Variants in CNTN4 observed in about 807,000 individuals in gnomAD.
The protein encoded by CNTN4 is contactin-4.
In CNTN4, 77 loss-of-function variants were observed where a neutral mutation model predicts 122.5. That is an observed-to-expected ratio of 0.63 (90% CI 0.52 to 0.76). CNTN4 has a LOEUF of 0.76. Ranked by LOEUF, CNTN4 falls within the 30% of genes least tolerant of loss-of-function variation. The pLI, the probability that CNTN4 is intolerant of heterozygous loss-of-function variation, is 0.00. For synonymous variants in CNTN4, 512 were observed against 447.0 expected, an observed-to-expected ratio of 1.15 and a Z score of -1.83; for missense variants, 1,256 against 1,259.1, an observed-to-expected ratio of 1.00 and a Z score of 0.04.
chr3:2,733,888 T>A (rs1024004557), intron 4 of CNTN4, among the ~76,000 whole-genome samples: 5 of 152,164 alleles, frequency 3.3e-5, no homozygotes, highest in Non-Finnish European at 5.9e-5. Context: ...ATAAATCTTC[T>A]CTTTTTTGGT....
intron 2 of CNTN4, among the ~76,000 whole-genome samples, chr3:2,154,008 G>T (rs55883839): frequency 0.22 from 33,922 of 151,930 alleles, 3,930 homozygotes; most frequent in South Asian, 0.26. Context: ...AAATCATACT[G>T]GTTTGAAGCA....
At chr3:2,868,363 C>T (rs1252405842) in intron 8 of CNTN4, among the ~76,000 whole-genome samples, 2 of 152,164 alleles carry the variant, frequency 1.3e-5, no homozygotes, top group Non-Finnish European at 2.9e-5. Flanking sequence ...ATCTTAAACC[C>T]TCACAGTGCT....
intron 2 of CNTN4, among the ~76,000 whole-genome samples, chr3:2,134,682 A>G (rs1419817830): frequency 1.3e-5 from 2 of 152,130 alleles, no homozygotes; most frequent in African/African-American, 4.8e-5. Context: ...GCTGGCATCT[A>G]GTGATTAGAG....
intron 2 of CNTN4, among the ~76,000 whole-genome samples, chr3:2,121,644 A>G (rs1281750156): frequency 6.6e-6 from 1 of 152,198 alleles, no homozygotes. Flanking sequence ...GTAATTTGTC[A>G]GAGTTTCCAT....
intron 14 of CNTN4, among the ~76,000 whole-genome samples, chr3:3,024,561 G>C (rs1003856944): frequency 6.6e-6 from 1 of 151,734 alleles, no homozygotes; most frequent in African/African-American, 2.4e-5. Context: ...TCATTTCATG[G>C]ACATCACTCA....
At position 2,384,761 on chromosome 3, in the gene CNTN4, CGTGTGTGTGT is replaced by C. The variant is rs67019083; in HGVS notation, c.-89+45547_-89+45556del. Among the ~76,000 whole-genome samples, 15 of 147,902 alleles carry C rather than the reference CGTGTGTGTGT, an allele frequency of 1.0e-4. No homozygotes were observed. In the South Asian group the frequency reaches 2.0e-3, roughly 19 times the overall value. On this transcript the variant is annotated intron_variant, in intron 3 of 24. Coordinates refer to ENST00000418658, the MANE Select transcript of CNTN4 (RefSeq NM_175607.3). ...TACACCAGTAACAACTCAATGTGTG[CGTGTGTGTGT>C]GTGTGTGTGTGTGTGTGTTCATGTT... is the stretch of plus-strand genomic sequence containing the variant.
intron 2 of CNTN4, among the ~76,000 whole-genome samples, chr3:2,326,485 TAC>T (rs10557917): frequency 0.039 from 4,865 of 125,990 alleles, 181 homozygotes; most frequent in African/African-American, 0.1. Flanking sequence ...CTAATAAATT[TAC>T]ACACACACAC....
intron 2 of CNTN4, among the ~76,000 whole-genome samples, chr3:2,179,178 G>A (rs1306833152): frequency 6.6e-6 from 1 of 152,038 alleles, no homozygotes; most frequent in Non-Finnish European, 1.5e-5. Flanking sequence ...TAATTATGTT[G>A]AGAGTAATCA....
chr3:2,136,987 G>A (rs188121084), intron 2 of CNTN4, among the ~76,000 whole-genome samples: 8 of 152,186 alleles, frequency 5.3e-5, no homozygotes, highest in South Asian at 2.1e-4. Flanking sequence ...ACAACCCACC[G>A]TTCTTAAATA....
chr3:2,421,326 C>T (rs1287814280), intron 3 of CNTN4, among the ~76,000 whole-genome samples: 1 of 150,402 alleles, frequency 6.6e-6, no homozygotes, highest in African/African-American at 2.4e-5. Context: ...GATCTCAGCT[C>T]AGTGCAACCT....
intron 4 of CNTN4, among the ~76,000 whole-genome samples, chr3:2,685,943 AT>A (rs1292960456): frequency 6.6e-6 from 1 of 152,164 alleles, no homozygotes; most frequent in Non-Finnish European, 1.5e-5. Context: ...GACTAAACTG[AT>A]TTTTGTTTGG....
chr3:2,708,280 T>A (rs774769239), intron 4 of CNTN4, among the ~76,000 whole-genome samples: 10 of 152,296 alleles, frequency 6.6e-5, no homozygotes, highest in Non-Finnish European at 1.5e-4. Context: ...TATCTTCATT[T>A]GCTGATGATA....
chr3:2,505,564 A>T (rs1044863903), intron 3 of CNTN4, among the ~76,000 whole-genome samples: 1 of 152,204 alleles, frequency 6.6e-6, no homozygotes, highest in Non-Finnish European at 1.5e-5. Flanking sequence ...CAAACTGTTT[A>T]AAAATTGCAA....
At chr3:3,039,099 T>G (rs1699902211) in intron 19 of CNTN4, 96 bp downstream of exon 19, 1 of 1,067,640 alleles carries the variant, frequency 9.4e-7, no homozygotes. Context: ...TCCTCCTCTG[T>G]TTTTAACAGT....
intron 4 of CNTN4, chr3:2,629,689 C>G: frequency 3.0e-6 from 1 of 331,274 alleles, no homozygotes; most frequent in Non-Finnish European, 6.0e-6. Flanking sequence ...TGATACATCT[C>G]TCTAGCTTTT....
chr3:2,906,744 T>C (rs2094238339), intron 12 of CNTN4, among the ~76,000 whole-genome samples: 1 of 150,470 alleles, frequency 6.6e-6, no homozygotes, highest in African/African-American at 2.4e-5. Context: ...CTCGGGAGGC[T>C]GAGGCAGGAG....
intron 4 of CNTN4, among the ~76,000 whole-genome samples, chr3:2,610,633 G>A (rs373770818): frequency 2.6e-4 from 40 of 152,158 alleles, no homozygotes; most frequent in African/African-American, 9.7e-4. Flanking sequence ...ACAAATGCTT[G>A]TTATCACAGT....
intron 13 of CNTN4, among the ~76,000 whole-genome samples, chr3:2,926,350 T>A (rs1054631764): frequency 6.6e-6 from 1 of 152,228 alleles, no homozygotes; most frequent in Non-Finnish European, 1.5e-5. Context: ...TTCATCTGTA[T>A]ATTTCTTATA....
At chr3:2,666,341 T>A (rs897620088) in intron 4 of CNTN4, among the ~76,000 whole-genome samples, 1 of 152,214 alleles carries the variant, frequency 6.6e-6, no homozygotes, top group Non-Finnish European at 1.5e-5. Context: ...TCATGGTTTA[T>A]GATTCTTCAA....
Sources: gnomAD v4.1 joint callset for allele counts (sites outside exome capture counted in the v4.1 genomes callset) on GRCh38, gnomAD v4.1.1 for gene constraint, MANE v1.5 for transcripts, NCBI Gene and HGNC (gene_info 2026-07-23, HGNC 2026-07-21) for gene names.